ADGRB3: variants seen among roughly 807,000 people sequenced by gnomAD.
The protein encoded by ADGRB3 is adhesion G protein-coupled receptor B3.
In ADGRB3, 37 loss-of-function variants were observed where a neutral mutation model predicts 193.4. The observed-to-expected ratio is 0.19, with a 90% confidence interval of 0.15 to 0.25. The LOEUF (loss-of-function observed/expected upper bound fraction) is 0.25. Ranked by LOEUF, ADGRB3 falls within the 10% of genes least tolerant of loss-of-function variation. The pLI, the probability that ADGRB3 is intolerant of heterozygous loss-of-function variation, is 1.00. For missense variants in ADGRB3, 1,637 were observed against 1,852.9 expected (o/e 0.88, Z 2.14); for synonymous variants, 690 against 644.2 (o/e 1.07, Z -1.08).
intron 17 of ADGRB3, among the ~76,000 whole-genome samples, chr6:69,229,967 G>A (rs1393859112): frequency 1.3e-5 from 2 of 152,266 alleles, no homozygotes; most frequent in African/African-American, 2.4e-5. Flanking sequence ...GGGACAGGAA[G>A]GCTCCTTCTG....
intron 3 of ADGRB3, among the ~76,000 whole-genome samples, chr6:68,803,685 G>A (rs987378738): frequency 6.6e-6 from 1 of 151,928 alleles, no homozygotes; most frequent in African/African-American, 2.4e-5. Context: ...CAATATTCCT[G>A]CCTTTTCCTC....
chr6:69,198,503 T>C (rs1449799835), intron 17 of ADGRB3, among the ~76,000 whole-genome samples: 1 of 152,060 alleles, frequency 6.6e-6, no homozygotes, highest in Non-Finnish European at 1.5e-5. Flanking sequence ...GGAAGGCCTC[T>C]CAGAAGTGAT....
At chr6:68,725,276 C>T (rs1765653351) in intron 3 of ADGRB3, among the ~76,000 whole-genome samples, 1 of 151,526 alleles carries the variant, frequency 6.6e-6, no homozygotes, top group Admixed American at 6.6e-5. Flanking sequence ...GGATTTATCC[C>T]ACATATAATA....
intron 3 of ADGRB3, among the ~76,000 whole-genome samples, chr6:68,641,963 A>G (rs897502218): frequency 6.6e-5 from 10 of 152,092 alleles, no homozygotes; most frequent in Admixed American, 1.3e-4. Flanking sequence ...TGTACTAATC[A>G]TATCTCATTT....
intron 3 of ADGRB3, among the ~76,000 whole-genome samples, chr6:68,914,610 C>G (rs540145204): frequency 1.3e-5 from 2 of 152,082 alleles, no homozygotes; most frequent in Non-Finnish European, 2.9e-5. Context: ...TAAAGACCAT[C>G]GAGGCTAGGA....
chr6:69,076,009 C>G lies in ADGRB3; in HGVS notation c.2451C>G (p.Pro817=), dbSNP rs990545235. 2 of 1,611,792 alleles carry G rather than the reference C, an allele frequency of 1.2e-6. No homozygotes were observed. Among genetic ancestry groups the G allele is most frequent in the Non-Finnish European group, 1.7e-6 (2 of 1,178,834 alleles). Residue 817 remains proline (P), a synonymous_variant, in exon 17 of 32, where the codon CCC becomes CCG. Transcript: ENST00000370598. ...TTTTTTTTTAGGGTACTTTGAATCC[C>G]TATTGTGTATTGTGGGATGACTCCA... is the stretch of plus-strand genomic sequence containing the variant. ...LAHLANGTLN[P]YCVLWDDSKT...
Position 69,384,660 on chromosome 6 carries a change from A to G in ADGRB3, c.4380+1725A>G, listed in dbSNP as rs528821619. On this transcript the variant is annotated intron_variant, in intron 31 of 31. Transcript: ENST00000370598. ...ACAAAAATAGTCTACTAATTACACCACATCTCTGCAGCAGCGTGCCTTTTC... is the reference window on the plus strand; with the variant it reads ...ACAAAAATAGTCTACTAATTACACCGCATCTCTGCAGCAGCGTGCCTTTTC... Among the ~76,000 whole-genome samples the G allele has an allele frequency of 7.9e-5, 12 of 152,114 alleles. No individual in the cohort carries two copies. The South Asian group carries it at 2.5e-3, about 32-fold the overall frequency.
chr6:68,875,290 CT>C (rs1471261984), intron 3 of ADGRB3, among the ~76,000 whole-genome samples: 1 of 136,484 alleles, frequency 7.3e-6, no homozygotes, highest in African/African-American at 2.7e-5. Context: ...CTTACCTTTC[CT>C]TTCCCGAAAC....
intron 3 of ADGRB3, among the ~76,000 whole-genome samples, chr6:68,870,375 T>A (rs1044093371): frequency 6.6e-6 from 1 of 152,238 alleles, no homozygotes; most frequent in African/African-American, 2.4e-5. Flanking sequence ...TTACATAGAA[T>A]TCTTTATTAT....
At chr6:68,754,758 AGAAAG>A (rs1766267608) in intron 3 of ADGRB3, among the ~76,000 whole-genome samples, 1 of 151,804 alleles carries the variant, frequency 6.6e-6, no homozygotes, top group African/African-American at 2.4e-5. Context: ...AAACAGCATT[AGAAAG>A]GTTGAAGATA....
chr6:68,732,821 T>A (rs1237333274), intron 3 of ADGRB3, among the ~76,000 whole-genome samples: 1 of 151,890 alleles, frequency 6.6e-6, no homozygotes, highest in African/African-American at 2.4e-5. Context: ...TAATGTATAG[T>A]CAGGATTAAG....
At position 68,876,268 on chromosome 6, in the gene ADGRB3, C is replaced by G. The variant is rs1765591302; in HGVS notation, c.758-54291C>G. On this transcript the variant is annotated intron_variant, in intron 3 of 31. Transcript: ENST00000370598. Reference sequence around the variant, plus strand: ...CCTTGTGAAGGACTCCCTACGGGAGCTGTGTCTTGGTGGGATAGATGGAGC... The same window carrying G: ...CCTTGTGAAGGACTCCCTACGGGAGGTGTGTCTTGGTGGGATAGATGGAGC... Among the ~76,000 whole-genome samples, 3 of 152,008 alleles carry G rather than the reference C, an allele frequency of 2.0e-5. No homozygotes were observed. In the South Asian group the frequency reaches 6.2e-4, roughly 32 times the overall value.
intron 3 of ADGRB3, among the ~76,000 whole-genome samples, chr6:68,640,497 A>G (rs549467493): frequency 6.6e-5 from 10 of 152,330 alleles, no homozygotes; most frequent in African/African-American, 2.4e-4. Flanking sequence ...GCTGATACAT[A>G]TTAGTTCTTG....
chr6:68,701,582 T>C (rs2585602), intron 3 of ADGRB3, among the ~76,000 whole-genome samples: 14,579 of 152,278 alleles, frequency 0.096, 878 homozygotes, highest in Middle Eastern at 0.15. Context: ...GGTGTGGCTA[T>C]TATTATAGCT....
intron 8 of ADGRB3, among the ~76,000 whole-genome samples, chr6:68,969,883 A>G (rs1768507893): frequency 6.6e-6 from 1 of 152,202 alleles, no homozygotes; most frequent in South Asian, 2.1e-4. Flanking sequence ...TTAAAATTTA[A>G]AATTGAATCA....
chr6:69,325,993 T>TGGGTGGACTACCTGAGCGC, intron 21 of ADGRB3, among the ~76,000 whole-genome samples: 1 of 151,542 alleles, frequency 6.6e-6, no homozygotes, highest in Non-Finnish European at 1.5e-5. Flanking sequence ...TACCTGAGCG[T>TGGGTGGACTACCTGAGCGC]GGGTGGACTA....
chr6:68,858,697 A>T (rs1441576248), intron 3 of ADGRB3, among the ~76,000 whole-genome samples: 1 of 152,104 alleles, frequency 6.6e-6, no homozygotes, highest in Non-Finnish European at 1.5e-5. Context: ...ACCTTTGATA[A>T]GAGAATGGCT....
chr6:69,322,536 A>G (rs1047634325), intron 20 of ADGRB3, among the ~76,000 whole-genome samples: 1 of 151,848 alleles, frequency 6.6e-6, no homozygotes, highest in Non-Finnish European at 1.5e-5. Context: ...CTTTTTACTA[A>G]TAGCCATTCT....
At chr6:68,693,688 A>G (rs1246269426) in intron 3 of ADGRB3, among the ~76,000 whole-genome samples, 2 of 152,122 alleles carry the variant, frequency 1.3e-5, no homozygotes, top group African/African-American at 2.4e-5. Context: ...ATGAAAATTA[A>G]CTACACAACC....
Sources: gnomAD v4.1 joint callset for allele counts (sites outside exome capture counted in the v4.1 genomes callset) on GRCh38, gnomAD v4.1.1 for gene constraint, MANE v1.5 for transcripts, NCBI Gene and HGNC (gene_info 2026-07-23, HGNC 2026-07-21) for gene names.